ITGA1: variants seen among roughly 807,000 people sequenced by gnomAD.
The protein encoded by ITGA1 is integrin subunit alpha 1, also known as integrin alpha-1.
Under a neutral mutation model 145.9 loss-of-function variants are expected in ITGA1, and 85 were observed. That is an observed-to-expected ratio of 0.58 (90% CI 0.49 to 0.70). The LOEUF (loss-of-function observed/expected upper bound fraction) is 0.70, where lower values mean the gene tolerates loss of function less well. Ranked by LOEUF, ITGA1 falls within the 30% of genes least tolerant of loss-of-function variation. The pLI is 0.00. For missense variants in ITGA1, 1,351 were observed against 1,418.7 expected (o/e 0.95, Z 0.77); for synonymous variants, 520 against 495.3 (o/e 1.05, Z -0.66).
At chr5:52,858,827 A>G (rs886256986) in intron 2 of ITGA1, among the ~76,000 whole-genome samples, 32 of 152,322 alleles carry the variant, frequency 2.1e-4, no homozygotes, top group African/African-American at 7.0e-4. Context: ...AGCACATACT[A>G]TAAGCCAAAT....
chr5:52,800,115 G>T (rs1748430091), intron 1 of ITGA1: 1 of 400,798 alleles, frequency 2.5e-6, no homozygotes, highest in East Asian at 5.0e-5. Context: ...GCCCGCTGTT[G>T]CGTGCTGCCA....
intron 24 of ITGA1, 148 bp from the exon 25 acceptor site, chr5:52,939,442 A>C: frequency 1.6e-6 from 1 of 610,760 alleles, no homozygotes; most frequent in South Asian, 2.1e-5. Context: ...GGTGCATAAC[A>C]ACCTTTCCCA....
chr5:52,867,506 T>C (rs1236398627), intron 6 of ITGA1, among the ~76,000 whole-genome samples: 1 of 152,136 alleles, frequency 6.6e-6, no homozygotes, highest in Non-Finnish European at 1.5e-5. Flanking sequence ...TTTTATCCCG[T>C]CTTGCTACAG....
At chr5:52,865,899 C>A in intron 6 of ITGA1, 82 bp downstream of exon 6, 1 of 1,129,562 alleles carries the variant, frequency 8.9e-7, no homozygotes, top group Non-Finnish European at 1.2e-6. Context: ...ATTCTGAAAG[C>A]AAATTAATCA....
chr5:52,914,689 T>C (rs1750616294), intron 14 of ITGA1, among the ~76,000 whole-genome samples: 1 of 152,154 alleles, frequency 6.6e-6, no homozygotes, highest in Non-Finnish European at 1.5e-5. Flanking sequence ...GTAGGCTTCT[T>C]ATTTTATGTT....
Position 52,865,678 on chromosome 5 carries a change from C to A in ITGA1, c.497-12C>A. 6.6e-7 allele frequency: 1 copy of A among 1,513,868 alleles called. No homozygotes were observed. Among genetic ancestry groups the A allele is most frequent in the South Asian group, 1.3e-5 (1 of 74,838 alleles). 93.8% of individuals were successfully genotyped at this position (1,513,868 alleles called of 1,614,324 possible). A position where few individuals can be genotyped will look rare whatever the true frequency, so the allele number is the denominator to read the frequency against. ...AGATTCCAAATTTGACAATTGACTCCTTTTATTGCAGAATGCAGCACTCAA... is the reference window on the plus strand; with the variant it reads ...AGATTCCAAATTTGACAATTGACTCATTTTATTGCAGAATGCAGCACTCAA... On this transcript the variant is annotated splice_polypyrimidine_tract_variant and intron_variant, in intron 5 of 28. Coordinates refer to ENST00000282588, the MANE Select transcript of ITGA1 (RefSeq NM_181501.2).
intron 1 of ITGA1, chr5:52,800,521 A>G: frequency 6.2e-7 from 1 of 1,614,072 alleles, no homozygotes; most frequent in South Asian, 1.1e-5. Flanking sequence ...GCGCGCCTCC[A>G]CCATCCGCAA....
intron 15 of ITGA1, 84 bp downstream of exon 15, chr5:52,915,678 A>G: frequency 1.3e-6 from 2 of 1,491,056 alleles, no homozygotes; most frequent in East Asian, 2.3e-5. Context: ...TGTCATACCA[A>G]ATATCTATTT....
intron 28 of ITGA1, among the ~76,000 whole-genome samples, chr5:52,951,474 C>T (rs1751218295): frequency 1.3e-5 from 2 of 152,138 alleles, no homozygotes. Flanking sequence ...AATTGCAAAG[C>T]ATAATGAAAT....
At chr5:52,919,412 T>C (rs182006750) in intron 16 of ITGA1, among the ~76,000 whole-genome samples, 28 of 152,286 alleles carry the variant, frequency 1.8e-4, no homozygotes, top group African/African-American at 6.7e-4. Flanking sequence ...TGTGTGTGTG[T>C]TCTCAGGTGC....
intron 26 of ITGA1, among the ~76,000 whole-genome samples, chr5:52,943,077 T>C (rs995555759): frequency 6.6e-6 from 1 of 152,196 alleles, no homozygotes; most frequent in Non-Finnish European, 1.5e-5. Context: ...TTATCTTGCC[T>C]TATTGCTCTG....
intron 10 of ITGA1, 139 bp from the exon 11 acceptor site, chr5:52,898,100 A>G (rs922288930): frequency 4.1e-6 from 2 of 484,592 alleles, no homozygotes; most frequent in East Asian, 6.8e-5. Context: ...TCTAACTCAT[A>G]GAGTTATCAT....
At chr5:52,864,720 T>G (rs757475778) in intron 3 of ITGA1, 43 bp from the exon 4 acceptor site, 1 of 1,233,862 alleles carries the variant, frequency 8.1e-7, no homozygotes, top group African/African-American at 1.5e-5. Context: ...AATTTCACTT[T>G]GTGAAACTTT....
intron 2 of ITGA1, among the ~76,000 whole-genome samples, chr5:52,859,484 G>T (rs979806910): frequency 6.6e-5 from 10 of 151,996 alleles, no homozygotes; most frequent in Non-Finnish European, 1.5e-4. Context: ...CTTTCCAAAG[G>T]CATTATATTA....
rs1459775605 is a variant in ITGA1 at position 52,909,142 on chromosome 5, G to A, written c.1599+101G>A. On this transcript the variant is annotated intron_variant, in intron 13 of 28. Coordinates refer to ENST00000282588, the MANE Select transcript of ITGA1 (RefSeq NM_181501.2). ...TTTTCACTCACTTTGAAAAAACAGA[G>A]CAAAGAAGCTATCAGGATTCATTCA... 9 of 1,241,160 alleles carry A rather than the reference G, an allele frequency of 7.3e-6. No homozygotes were observed. The Admixed American group carries it at 2.3e-4, about 31-fold the overall frequency. The allele number at this position is 1,241,160 out of a possible 1,614,324, so 76.9% of individuals were successfully genotyped here.
chr5:52,917,119 AT>A (rs1326489498), intron 15 of ITGA1, among the ~76,000 whole-genome samples: 1 of 152,220 alleles, frequency 6.6e-6, no homozygotes, highest in African/African-American at 2.4e-5. Flanking sequence ...TTGGAAGCAA[AT>A]AGTGAGAGTC....
chr5:52,949,799 T>C (rs1476217913), intron 28 of ITGA1, among the ~76,000 whole-genome samples: 3 of 152,196 alleles, frequency 2.0e-5, no homozygotes, highest in African/African-American at 7.2e-5. Flanking sequence ...TGTTGGAAGC[T>C]GCCTGAAGCA....
intron 28 of ITGA1, among the ~76,000 whole-genome samples, chr5:52,950,419 C>T (rs527312945): frequency 1.2e-4 from 18 of 152,214 alleles, no homozygotes; most frequent in South Asian, 4.2e-4. Flanking sequence ...AGCAATTATT[C>T]CATGTTATAT....
intron 2 of ITGA1, among the ~76,000 whole-genome samples, chr5:52,859,437 G>C (rs1478570182): frequency 6.6e-6 from 1 of 152,078 alleles, no homozygotes; most frequent in Admixed American, 6.5e-5. Context: ...TAAAGGGTTT[G>C]AGCATTTTTG....
Sources: gnomAD v4.1 joint callset for allele counts (sites outside exome capture counted in the v4.1 genomes callset) on GRCh38, gnomAD v4.1.1 for gene constraint, MANE v1.5 for transcripts, NCBI Gene and HGNC (gene_info 2026-07-23, HGNC 2026-07-21) for gene names.